Variants in RYR3 observed in about 807,000 individuals in gnomAD.
The protein encoded by RYR3 is brain ryanodine receptor-calcium release channel.
RYR3 carries 207 observed loss-of-function variants against 584.3 expected under a neutral mutation model. The observed-to-expected ratio is 0.35, with a 90% CI of 0.32 to 0.40. The LOEUF (loss-of-function observed/expected upper bound fraction) is 0.40. RYR3 is among the 10% of genes least tolerant of loss of function. The pLI, the probability that RYR3 is intolerant of heterozygous loss-of-function variation, is 1.00. For synonymous variants in RYR3, 2,416 were observed against 2,248.5 expected, an observed-to-expected ratio of 1.07 and a Z score of -2.11; for missense variants, 5,616 against 6,089.2, an observed-to-expected ratio of 0.92 and a Z score of 2.59.
chr15:33,578,755 G>A (rs2058433543), intron 12 of RYR3, among the ~76,000 whole-genome samples: 1 of 117,468 alleles, frequency 8.5e-6, no homozygotes, highest in Non-Finnish European at 1.8e-5. Flanking sequence ...ATGTATCCCA[G>A]AACTTAGAAT....
intron 65 of RYR3, among the ~76,000 whole-genome samples, 171 bp downstream of exon 65, chr15:33,780,512 C>T (rs140236404): frequency 1.3e-4 from 20 of 152,336 alleles, no homozygotes; most frequent in African/African-American, 4.8e-4. Context: ...GAGAAATAAG[C>T]ATGGGCAAGG....
At chr15:33,608,847 GCTC>G (rs2060032990) in intron 18 of RYR3, among the ~76,000 whole-genome samples, 1 of 152,226 alleles carries the variant, frequency 6.6e-6, no homozygotes, top group Non-Finnish European at 1.5e-5. Context: ...GGGCATAATT[GCTC>G]CTCCTGGTGG....
intron 1 of RYR3, among the ~76,000 whole-genome samples, chr15:33,393,343 A>G (rs928338389): frequency 2.6e-5 from 4 of 152,144 alleles, no homozygotes; most frequent in African/African-American, 7.2e-5. Flanking sequence ...TTCCATACCT[A>G]TTGACCCTCC....
rs1252749723 is a variant in RYR3 at position 33,428,804 on chromosome 15, A to G, written c.52-44615A>G. 3.3e-5 allele frequency among the ~76,000 whole-genome samples: 5 copies of G among 152,328 alleles called. No homozygotes were observed. In the South Asian group the frequency reaches 1.0e-3, roughly 32 times the overall value. ...CAGGGGATACATGTTAGTGAAAAAA[A>G]GTCAAAGTTGTTAGCATAATTGTAT... is the stretch of plus-strand genomic sequence containing the variant. On this transcript the variant is annotated intron_variant, in intron 1 of 103. Coordinates refer to ENST00000634891, the MANE Select transcript of RYR3 (RefSeq NM_001036.6).
intron 86 of RYR3, 143 bp from the exon 87 acceptor site, chr15:33,834,825 C>T: frequency 1.8e-6 from 1 of 566,800 alleles, no homozygotes; most frequent in Non-Finnish European, 3.1e-6. Flanking sequence ...AAGTAATAAT[C>T]CTGGGAAAAT....
At chr15:33,432,668 T>TGTGTGTGTCTG (rs113646851) in intron 1 of RYR3, among the ~76,000 whole-genome samples, 4 of 132,142 alleles carry the variant, frequency 3.0e-5, no homozygotes, top group Non-Finnish European at 6.2e-5. Context: ...GCCTAGCTAA[T>TGTGTGTGTCTG]TGTGTGTGTG....
At chr15:33,497,347 G>A (rs1043899303) in intron 2 of RYR3, among the ~76,000 whole-genome samples, 4 of 151,974 alleles carry the variant, frequency 2.6e-5, no homozygotes, top group African/African-American at 7.3e-5. Context: ...TGTCCTTTTT[G>A]CTTTCTGTCC....
chr15:33,529,449 G>A (rs1002772084), intron 3 of RYR3, among the ~76,000 whole-genome samples: 3 of 152,162 alleles, frequency 2.0e-5, no homozygotes, highest in Non-Finnish European at 2.9e-5. Flanking sequence ...GCTCATTGGT[G>A]TGGTTGCAGG....
At chr15:33,590,265 C>T (rs1359552971) in intron 16 of RYR3, among the ~76,000 whole-genome samples, 1 of 152,130 alleles carries the variant, frequency 6.6e-6, no homozygotes, top group Non-Finnish European at 1.5e-5. Flanking sequence ...TGCTTCAGGC[C>T]ATCTGGACAT....
intron 5 of RYR3, among the ~76,000 whole-genome samples, chr15:33,533,724 C>T (rs747862784): frequency 3.9e-5 from 6 of 152,012 alleles, no homozygotes; most frequent in Admixed American, 6.5e-5. Context: ...ATAAAGGTGT[C>T]GTAATAAAGG....
At chr15:33,382,302 G>A (rs910810355) in intron 1 of RYR3, among the ~76,000 whole-genome samples, 5 of 143,488 alleles carry the variant, frequency 3.5e-5, no homozygotes, top group Non-Finnish European at 6.0e-5. Flanking sequence ...CACAGGAACT[G>A]CTAATTTTAA....
intron 88 of RYR3, 24 bp from the exon 89 acceptor site, chr15:33,837,607 T>C: frequency 2.0e-6 from 3 of 1,537,788 alleles, no homozygotes; most frequent in Middle Eastern, 3.5e-4. Flanking sequence ...TATATTTGTA[T>C]GTCTTTTTGA....
chr15:33,612,449 C>G (rs1436618521), intron 18 of RYR3, among the ~76,000 whole-genome samples: 1 of 152,226 alleles, frequency 6.6e-6, no homozygotes, highest in Non-Finnish European at 1.5e-5. Flanking sequence ...CAACCTCTGC[C>G]TCCCGGGTTC....
At chr15:33,642,374 G>A (rs749063536) in intron 27 of RYR3, among the ~76,000 whole-genome samples, 22 of 152,160 alleles carry the variant, frequency 1.4e-4, no homozygotes, top group Non-Finnish European at 1.8e-4. Context: ...TCATGTTCAT[G>A]GCTCCAAGAT....
intron 37 of RYR3, among the ~76,000 whole-genome samples, chr15:33,669,841 TGTGGGGGGGGGGGGGG>T (rs2063712500): frequency 1.1e-4 from 1 of 9,396 alleles, no homozygotes; most frequent in Non-Finnish European, 2.2e-4. Context: ...GGTGTGTGTG[TGTGGGGGGGGGGGGGG>T]GTGTGGGTGT....
Position 33,813,574 on chromosome 15 carries a change from G to T in RYR3, c.10497G>T (p.Leu3499=). 1 of 1,613,278 alleles carries T rather than the reference G, an allele frequency of 6.2e-7. No individual in the cohort carries two copies. The highest frequency in any genetic ancestry group is 8.5e-7 in the Non-Finnish European group (1 of 1,179,298). The change falls in exon 74 of 104, where the codon CTG becomes CTT. Residue 3499 remains leucine, a synonymous_variant. Transcript: ENST00000634891. ...TCAGGATGGCCCCTCTCTACAACCT[G>T]CCCAGGCAAGTATTTTGTCTTTTTT... is the stretch of plus-strand genomic sequence containing the variant. The part of the protein sequence containing the change: ...ACFRMAPLYN[L]PRHRSINLFL...
intron 64 of RYR3, among the ~76,000 whole-genome samples, chr15:33,777,127 G>A (rs116545596): frequency 2.1e-3 from 315 of 152,356 alleles, no homozygotes; most frequent in African/African-American, 7.2e-3. Flanking sequence ...TTTCAAGGCT[G>A]CAGTAAGCTG....
chr15:33,510,886 T>G (rs1400613820), intron 3 of RYR3, among the ~76,000 whole-genome samples: 2 of 152,176 alleles, frequency 1.3e-5, no homozygotes, highest in African/African-American at 4.8e-5. Context: ...ATAATGGATT[T>G]TAATGTTTCC....
At chr15:33,815,349 A>G (rs1234824180) in intron 74 of RYR3, 1 of 152,390 alleles carries the variant, frequency 6.6e-6, no homozygotes, top group African/African-American at 2.4e-5. Context: ...TTCCTTCCCT[A>G]TCTGATTGAG....
Sources: gnomAD v4.1 joint callset for allele counts (sites outside exome capture counted in the v4.1 genomes callset) on GRCh38, gnomAD v4.1.1 for gene constraint, MANE v1.5 for transcripts, NCBI Gene and HGNC (gene_info 2026-07-23, HGNC 2026-07-21) for gene names.